Variants in FBXO38 observed in about 807,000 individuals in gnomAD.
FBXO38 encodes the protein F-box protein 38.
Under a neutral mutation model 131.9 loss-of-function variants are expected in FBXO38, and 53 were observed. The observed-to-expected ratio is 0.40, with a 90% CI of 0.32 to 0.51. The LOEUF is 0.51. FBXO38 is among the 20% of genes least tolerant of loss of function. The pLI is 0.53. For missense variants in FBXO38, 1,076 were observed against 1,475.6 expected (o/e 0.73, Z 4.44); for synonymous variants, 452 against 505.6 (o/e 0.89, Z 1.42).
chr5:148,428,905 G>A (rs1449373320), intron 15 of FBXO38, among the ~76,000 whole-genome samples: 1 of 152,106 alleles, frequency 6.6e-6, no homozygotes, highest in Non-Finnish European at 1.5e-5. Flanking sequence ...TGCAAACAGT[G>A]GTTCTGCCAT....
Position 148,440,518 on chromosome 5 carries a change from A to C in FBXO38, c.3265A>C (p.Thr1089Pro), listed in dbSNP as rs1049321456. The change falls in exon 20 of 22, where the codon ACT becomes CCT. Residue 1089 changes from threonine (T) to proline (P), a missense_variant. By Grantham distance (38) the Thr-to-Pro change is conservative. Around this residue, in one of 8 missense-constraint regions of FBXO38, gnomAD observed 282 missense variants for 418.8 expected, o/e 0.67. Coordinates refer to ENST00000340253, the MANE Select transcript of FBXO38 (RefSeq NM_205836.3). The part of the protein sequence containing the change: ...PKYPWGREIY[T>P]LEGVVDGAPY... ...GTACCCCTGGGGGAGAGAAATCTAT[A>C]CTTTAGAAGGTGAGTATTTACAAAT... The C allele has an allele frequency of 1.9e-6, 3 of 1,585,296 alleles. No individual in the cohort carries two copies. The highest frequency in any genetic ancestry group is 2.6e-6 in the Non-Finnish European group (3 of 1,154,650).
chr5:148,410,594 T>G, intron 8 of FBXO38, 41 bp from the exon 9 acceptor site: 1 of 1,607,724 alleles, frequency 6.2e-7, no homozygotes. Context: ...ATTCTGATGG[T>G]TTTTGTTTTA....
intron 12 of FBXO38, among the ~76,000 whole-genome samples, chr5:148,420,752 G>A (rs1256614292): frequency 6.6e-6 from 1 of 152,112 alleles, no homozygotes; most frequent in Non-Finnish European, 1.5e-5. Flanking sequence ...ATCACCTGGA[G>A]GAATCAGCAC....
Position 148,442,140 on chromosome 5 carries a change from A to G in FBXO38, c.3560A>G (p.Tyr1187Cys), listed in dbSNP as rs1754721133. The G allele has an allele frequency of 1.2e-6, 2 of 1,613,728 alleles. No homozygotes were observed. Among genetic ancestry groups the G allele is most frequent in the Non-Finnish European group, 8.5e-7 (1 of 1,179,736 alleles). ...AATGGAGAGCCAGTTGAAGATGACT[A>G]CATTTAATTGGTCCCTCCTCCTTTC... Reference protein sequence around the residue: ...DVNGEPVEDDYI With the variant: ...DVNGEPVEDDCI Residue 1187 changes from tyrosine to cysteine, a missense_variant, in exon 22 of 22, where the codon TAC becomes TGC. Transcript: ENST00000340253.
intron 17 of FBXO38, among the ~76,000 whole-genome samples, chr5:148,435,547 G>A (rs1286251673): frequency 3.3e-5 from 5 of 152,138 alleles, no homozygotes; most frequent in East Asian, 3.9e-4. Context: ...CAAGGCGGGC[G>A]GATCACGAGG....
At chr5:148,426,156 T>G (rs1302597197) in intron 14 of FBXO38, among the ~76,000 whole-genome samples, 1 of 152,206 alleles carries the variant, frequency 6.6e-6, no homozygotes, top group East Asian at 1.9e-4. Flanking sequence ...CCTTTAAATC[T>G]AGGCAACAAC....
intron 15 of FBXO38, among the ~76,000 whole-genome samples, chr5:148,429,706 T>C (rs1039779314): frequency 6.6e-6 from 1 of 152,196 alleles, no homozygotes; most frequent in Non-Finnish European, 1.5e-5. Context: ...GTTTTACTTA[T>C]GTCTCTTGAT....
At chr5:148,404,647 T>A in intron 5 of FBXO38, 38 bp from the exon 6 acceptor site, 1 of 1,505,340 alleles carries the variant, frequency 6.6e-7, no homozygotes, top group Non-Finnish European at 8.9e-7. Flanking sequence ...TTTTTGTGAT[T>A]TTTTTCTTGT....
At chr5:148,405,573 A>G (rs1035601617) in intron 6 of FBXO38, among the ~76,000 whole-genome samples, 8 of 152,064 alleles carry the variant, frequency 5.3e-5, no homozygotes, top group African/African-American at 1.4e-4. Context: ...ATCTTCTTTT[A>G]TCATCACATT....
At chr5:148,439,864 C>A in intron 19 of FBXO38, 72 bp downstream of exon 19, 1 of 1,451,988 alleles carries the variant, frequency 6.9e-7, no homozygotes, top group Non-Finnish European at 9.4e-7. Context: ...AAGCAAATCC[C>A]AATTTTTCTT....
intron 3 of FBXO38, 89 bp from the exon 4 acceptor site, chr5:148,401,893 T>A (rs1752174171): frequency 7.6e-7 from 1 of 1,313,522 alleles, no homozygotes; most frequent in African/African-American, 1.5e-5. Flanking sequence ...AGGAAGTCTT[T>A]TTTAACTTTT....
intron 17 of FBXO38, chr5:148,434,555 G>T (rs971197976): frequency 3.3e-5 from 5 of 151,996 alleles, no homozygotes; most frequent in African/African-American, 4.8e-5. Context: ...TAAAGCATTT[G>T]TGAAAGTTAA....
chr5:148,393,572 G>A (rs891510070), intron 1 of FBXO38, among the ~76,000 whole-genome samples: 1 of 152,032 alleles, frequency 6.6e-6, no homozygotes, highest in Non-Finnish European at 1.5e-5. Context: ...CTTCACAACT[G>A]TGTTTACTGT....
intron 15 of FBXO38, among the ~76,000 whole-genome samples, chr5:148,432,359 A>G (rs1241379645): frequency 6.6e-6 from 1 of 152,242 alleles, no homozygotes; most frequent in Non-Finnish European, 1.5e-5. Context: ...CTTCAGAACA[A>G]TACTAGTAAA....
intron 1 of FBXO38, among the ~76,000 whole-genome samples, chr5:148,392,427 G>T (rs1758243048): frequency 6.6e-6 from 1 of 152,016 alleles, no homozygotes; most frequent in Non-Finnish European, 1.5e-5. Flanking sequence ...GAGGGGGAGG[G>T]TTCGTGATAT....
At chr5:148,409,256 G>C in intron 8 of FBXO38, 39 bp downstream of exon 8, 2 of 1,322,322 alleles carry the variant, frequency 1.5e-6, no homozygotes, top group Non-Finnish European at 1.1e-6. Flanking sequence ...CACTTTAGAA[G>C]TAATTATGTT....
At chr5:148,398,940 T>TA in intron 2 of FBXO38, 59 bp from the exon 3 acceptor site, 1 of 1,583,072 alleles carries the variant, frequency 6.3e-7, no homozygotes, top group Non-Finnish European at 8.6e-7. Flanking sequence ...AAAAATAACT[T>TA]ACTGGTGAGA....
chr5:148,441,197 C>A lies in FBXO38; in HGVS notation c.3348C>A (p.Pro1116=). 1 of 1,613,688 alleles carries A rather than the reference C, an allele frequency of 6.2e-7. No homozygotes were observed. The highest frequency in any genetic ancestry group is 8.5e-7 in the Non-Finnish European group (1 of 1,179,886). The change falls in exon 21 of 22, where the codon CCC becomes CCA. Residue 1116 remains proline (P), a synonymous_variant. Coordinates refer to ENST00000340253, the MANE Select transcript of FBXO38 (RefSeq NM_205836.3). ...TGAGGTCATTACGAGCTGCAGAGCC[C>A]AACAGCTTCGCTCGATACGACTTTG... ...PWLRSLRAAE[P]NSFARYDFED...
At chr5:148,389,020 T>TA (rs1758058433) in intron 1 of FBXO38, among the ~76,000 whole-genome samples, 1 of 152,182 alleles carries the variant, frequency 6.6e-6, no homozygotes, top group African/African-American at 2.4e-5. Context: ...GTAGAGTTCT[T>TA]AATTGGTCTA....
Sources: allele counts gnomAD v4.1 joint callset (sites outside exome capture counted in the v4.1 genomes callset), GRCh38; gene constraint gnomAD v4.1.1; regional missense constraint gnomAD v4.1.1; transcripts MANE v1.5; gene names NCBI Gene and HGNC (gene_info 2026-07-23, HGNC 2026-07-21).